The following SEMG2 variants were observed in gnomAD, a reference collection of about 807,000 sequenced individuals.
SEMG2 encodes semenogelin-2.
SEMG2 carries 3 observed loss-of-function variants against 8.1 expected under a neutral mutation model. The ratio of observed to expected loss-of-function variants is 0.37; its 90% CI spans 0.17 to 0.96. SEMG2 has a LOEUF of 0.96. Among genes scored for constraint, SEMG2 ranks in the 40% least tolerant of loss-of-function variants. SEMG2 has a pLI of 0.41. For synonymous variants in SEMG2, 252 were observed against 231.4 expected (o/e 1.09, Z -0.81); for missense variants, 726 against 671.2 (o/e 1.08, Z -0.90).
In SEMG2 at chr20:45,222,454, T is replaced by C. The variant is rs1350888298; in HGVS notation, c.822T>C (p.Ser274=). 3 of 1,613,884 alleles carry C rather than the reference T, an allele frequency of 1.9e-6. No individual in the cohort carries two copies. The highest frequency in any genetic ancestry group is 2.5e-6 in the Non-Finnish European group (3 of 1,179,994). The change falls in exon 2 of 3, where the codon AGT becomes AGC. Residue 274 remains serine, a synonymous_variant. Transcript: ENST00000372769. ...NKNQHQTKNL[S]QDQEHGRKAH... ...ATCAACACCAGACAAAAAATCTCAG[T>C]CAAGATCAAGAGCATGGCCGGAAGG...
At position 45,222,132 on chromosome 20, in the gene SEMG2, G is replaced by A. The variant is rs746254444; in HGVS notation, c.500G>A (p.Trp167Ter). 1.3e-5 allele frequency: 21 copies of A among 1,613,948 alleles called. No homozygotes were observed. The Middle Eastern group carries it at 1.2e-3, about 89-fold the overall frequency. ...TGTTCAAACACAGAAAAAAGGCTAT[G>A]GGTTCATGGACTAAGTAAAGAACAA... ...SQCSNTEKRL[W>*]VHGLSKEQAS... Residue 167 changes from tryptophan to a stop codon, truncating the protein, a stop_gained, in exon 2 of 3, where the codon TGG (tryptophan) becomes TAG (stop). Transcript: ENST00000372769. LOFTEE classifies it low-confidence loss of function (END_TRUNC).
Position 45,222,073 on chromosome 20 carries a change from G to T in SEMG2, c.441G>T (p.Gly147=). The T allele has an allele frequency of 3.7e-6, 6 of 1,614,022 alleles. No homozygotes were observed. The highest frequency in any genetic ancestry group is 1.6e-4 in the Middle Eastern group (1 of 6,062). Residue 147 remains glycine (G), a synonymous_variant, in exon 2 of 3, where the codon GGG becomes GGT. Coordinates refer to ENST00000372769, the MANE Select transcript of SEMG2 (RefSeq NM_003008.3). Reference sequence around the variant, plus strand: ...CACAAAATCCTTCTCAAGATCAGGGGAATAGCCCATCTGGAAAGGGATTAT... The same window carrying T: ...CACAAAATCCTTCTCAAGATCAGGGTAATAGCCCATCTGGAAAGGGATTAT... ...HGTQNPSQDQ[G]NSPSGKGLSS... is the part of the protein sequence containing the mutation.
Position 45,221,886 on chromosome 20 carries a change from A to G in SEMG2, c.254A>G (p.Tyr85Cys), listed in dbSNP as rs1984022322. ...DHDWTRKSQQ[Y>C]DLNALHKATK... Reference sequence around the variant, plus strand: ...GACTGGACCCGAAAAAGTCAGCAATATGATTTGAATGCCCTACATAAGGCG... The same window carrying G: ...GACTGGACCCGAAAAAGTCAGCAATGTGATTTGAATGCCCTACATAAGGCG... Residue 85 changes from tyrosine to cysteine, a missense_variant, in exon 2 of 3, where the codon TAT (tyrosine) becomes TGT (cysteine). Tyr to Cys is a radical substitution (Grantham distance 194, BLOSUM62 -2). Coordinates refer to ENST00000372769, the MANE Select transcript of SEMG2 (RefSeq NM_003008.3). The G allele has an allele frequency of 1.2e-6, 2 of 1,613,882 alleles. No homozygotes were observed. The highest frequency in any genetic ancestry group is 1.6e-4 in the Middle Eastern group (1 of 6,082).
At position 45,222,829 on chromosome 20, in the gene SEMG2, T is replaced by A. The variant is rs140981883; in HGVS notation, c.1197T>A (p.Tyr399Ter). Residue 399 changes from tyrosine (Y) to a stop codon, truncating the protein, a stop_gained, in exon 2 of 3, where the codon TAT becomes TAA. Coordinates refer to ENST00000372769, the MANE Select transcript of SEMG2 (RefSeq NM_003008.3). LOFTEE classifies it low-confidence loss of function (END_TRUNC). The stretch of plus-strand genomic sequence containing the variant: ...GAATTCCTAGTCAAGCTCAAGAGTA[T>A]GGCCATAAGGAAAATAAAATATCAT... ...QVRIPSQAQE[Y>*]GHKENKISYQ... 117 of 1,613,788 alleles carry A rather than the reference T, an allele frequency of 7.3e-5. 1 individual carries two copies. The highest frequency in any genetic ancestry group is 1.6e-4 in the Middle Eastern group (1 of 6,084).
chr20:45,222,107 T>C lies in SEMG2; in HGVS notation c.475T>C (p.Cys159Arg). The C allele has an allele frequency of 6.2e-7, 1 of 1,613,774 alleles. No individual in the cohort carries two copies. Among genetic ancestry groups the C allele is most frequent in the Non-Finnish European group, 8.5e-7 (1 of 1,179,942 alleles). ...SPSGKGLSSQCSNTEKRLWVH... is the reference protein window; with the variant it reads ...SPSGKGLSSQRSNTEKRLWVH... The stretch of plus-strand genomic sequence containing the variant: ...ATCTGGAAAGGGATTATCCAGTCAA[T>C]GTTCAAACACAGAAAAAAGGCTATG... Residue 159 changes from cysteine to arginine, a missense_variant, in exon 2 of 3, where the codon TGT (cysteine) becomes CGT (arginine). Physicochemically the swap from Cys to Arg is radical, Grantham distance 180 (BLOSUM62 -3). Transcript: ENST00000372769.
rs138521593 is a variant in SEMG2, at chr20:45,222,126, G to T, written c.494G>T (p.Arg165Met). ...AGTCAATGTTCAAACACAGAAAAAA[G>T]GCTATGGGTTCATGGACTAAGTAAA... ...LSSQCSNTEK[R>M]LWVHGLSKEQ... The change falls in exon 2 of 3, where the codon AGG becomes ATG. Residue 165 changes from arginine to methionine, a missense_variant. Arg to Met is a moderately conservative substitution (Grantham distance 91). Transcript: ENST00000372769. 3 of 1,613,784 alleles carry T rather than the reference G, an allele frequency of 1.9e-6. No homozygotes were observed. Among genetic ancestry groups the T allele is most frequent in the African/African-American group, 1.3e-5 (1 of 74,896 alleles).
intron 1 of SEMG2, 108 bp downstream of exon 1, chr20:45,221,573 T>C: frequency 7.0e-7 from 1 of 1,423,016 alleles, no homozygotes; most frequent in Non-Finnish European, 9.7e-7. Context: ...TTCTCCTTGA[T>C]GAGAATTGAT....
chr20:45,223,068 A>T lies in SEMG2; in HGVS notation c.1436A>T (p.Asn479Ile). The stretch of plus-strand genomic sequence containing the variant: ...TCAAGTACAGAAGAAAGACGACTCA[A>T]CTATGGAGGAAAGAGCACGCAGAAA... ...QSSSTEERRL[N>I]YGGKSTQKDV... The change falls in exon 2 of 3, where the codon AAC becomes ATC. Residue 479 changes from asparagine (N) to isoleucine (I), a missense_variant. Transcript: ENST00000372769. The T allele has an allele frequency of 6.2e-7, 1 of 1,614,198 alleles. No individual in the cohort carries two copies.
chr20:45,222,098 T>C lies in SEMG2; in HGVS notation c.466T>C (p.Ser156Pro), dbSNP rs1201859642. Residue 156 changes from serine (S) to proline (P), a missense_variant, in exon 2 of 3, where the codon TCC (serine) becomes CCC (proline). Coordinates refer to ENST00000372769, the MANE Select transcript of SEMG2 (RefSeq NM_003008.3). ...QGNSPSGKGL[S>P]SQCSNTEKRL... ...GAATAGCCCATCTGGAAAGGGATTATCCAGTCAATGTTCAAACACAGAAAA... is the reference window on the plus strand; with the variant it reads ...GAATAGCCCATCTGGAAAGGGATTACCCAGTCAATGTTCAAACACAGAAAA... The C allele has an allele frequency of 6.2e-7, 1 of 1,613,904 alleles. No homozygotes were observed. The highest frequency in any genetic ancestry group is 8.5e-7 in the Non-Finnish European group (1 of 1,179,966).
At position 45,223,081 on chromosome 20, in the gene SEMG2, G is replaced by C. The variant is rs1984062649; in HGVS notation, c.1449G>C (p.Lys483Asn). 2 of 1,614,168 alleles carry C rather than the reference G, an allele frequency of 1.2e-6. No individual in the cohort carries two copies. Among genetic ancestry groups the C allele is most frequent in the South Asian group, 1.1e-5 (1 of 91,076 alleles). The change falls in exon 2 of 3, where the codon AAG (lysine) becomes AAC (asparagine). Residue 483 changes from lysine (K) to asparagine (N), a missense_variant. Lys to Asn is a moderately conservative substitution (Grantham distance 94). Transcript: ENST00000372769. ...TEERRLNYGG[K>N]STQKDVSQSS... ...AAAGACGACTCAACTATGGAGGAAA[G>C]AGCACGCAGAAAGATGTATCCCAAA...
In SEMG2 at chr20:45,221,817, G is replaced by C; in HGVS notation, c.185G>C (p.Ser62Thr). Residue 62 changes from serine (S) to threonine (T), a missense_variant, in exon 2 of 3, where the codon AGT becomes ACT. Physicochemically the swap from Ser to Thr is moderately conservative, Grantham distance 58. Transcript: ENST00000372769. The stretch of plus-strand genomic sequence containing the variant: ...CAACAACATACTAAATCCAAAGGCA[G>C]TTTTTCTATTCAACACACATATCAT... ...KDQQHTKSKGSFSIQHTYHVD... is the reference protein window; with the variant it reads ...KDQQHTKSKGTFSIQHTYHVD... 6.2e-7 allele frequency: 1 copy of C among 1,614,148 alleles called. No homozygotes were observed. Among genetic ancestry groups the C allele is most frequent in the South Asian group, 1.1e-5 (1 of 91,072 alleles).
chr20:45,223,555 G>A (rs1351833517), intron 2 of SEMG2, 130 bp downstream of exon 2: 2 of 503,936 alleles, frequency 4.0e-6, no homozygotes, highest in Admixed American at 7.4e-5. Flanking sequence ...GTGGGAAGAT[G>A]AACACCATTT....
chr20:45,221,801 A>G lies in SEMG2; in HGVS notation c.169A>G (p.Thr57Ala), dbSNP rs2233897. The G allele has an allele frequency of 3.7e-3, 5,954 of 1,614,160 alleles. 206 individuals carry two copies. In the African/African-American group the frequency reaches 0.071, roughly 19 times the overall value. Reference protein sequence around the residue: ...HYFGQKDQQHTKSKGSFSIQH... With the variant: ...HYFGQKDQQHAKSKGSFSIQH... ...TTTTGGACAAAAAGACCAACAACATACTAAATCCAAAGGCAGTTTTTCTAT... is the reference window on the plus strand; with the variant it reads ...TTTTGGACAAAAAGACCAACAACATGCTAAATCCAAAGGCAGTTTTTCTAT... The change falls in exon 2 of 3, where the codon ACT becomes GCT. Residue 57 changes from threonine (T) to alanine (A), a missense_variant. Physicochemically the swap from Thr to Ala is moderately conservative, Grantham distance 58. Transcript: ENST00000372769.
At chr20:45,223,509 A>G in intron 2 of SEMG2, 84 bp downstream of exon 2, 1 of 618,024 alleles carries the variant, frequency 1.6e-6, no homozygotes, top group South Asian at 2.1e-5. Context: ...ACTGATAACC[A>G]TTGTTCACAT....
chr20:45,223,713 T>A (rs1048917347), intron 2 of SEMG2, among the ~76,000 whole-genome samples: 2 of 152,254 alleles, frequency 1.3e-5, no homozygotes, highest in Non-Finnish European at 1.5e-5. Context: ...GCACTGACTA[T>A]ATATGCATAT....
In SEMG2 at chr20:45,222,399, C is replaced by T. The variant is rs761999691; in HGVS notation, c.767C>T (p.Thr256Ile). 6.2e-7 allele frequency: 1 copy of T among 1,613,980 alleles called. No individual in the cohort carries two copies. Among genetic ancestry groups the T allele is most frequent in the African/African-American group, 1.3e-5 (1 of 74,924 alleles). ...LQHGPKDIFT[T>I]QDELLVYNKN... is the part of the protein sequence containing the mutation. ...CATGGACCCAAAGACATTTTTACTA[C>T]CCAAGATGAGCTCCTAGTATATAAC... is the stretch of plus-strand genomic sequence containing the variant. Residue 256 changes from threonine (T) to isoleucine (I), a missense_variant, in exon 2 of 3, where the codon ACC becomes ATC. Coordinates refer to ENST00000372769, the MANE Select transcript of SEMG2 (RefSeq NM_003008.3).
chr20:45,222,294 A>C lies in SEMG2; in HGVS notation c.662A>C (p.Gln221Pro). 1 of 1,614,152 alleles carries C rather than the reference A, an allele frequency of 6.2e-7. No homozygotes were observed. Among genetic ancestry groups the C allele is most frequent in the Non-Finnish European group, 8.5e-7 (1 of 1,180,022 alleles). ...KNSHQNKGHY[Q>P]NVVDVREEHS... ...TCTCATCAAAATAAAGGGCATTACC[A>C]AAATGTGGTTGACGTGAGAGAGGAA... Residue 221 changes from glutamine to proline, a missense_variant, in exon 2 of 3, where the codon CAA (glutamine) becomes CCA (proline). Coordinates refer to ENST00000372769, the MANE Select transcript of SEMG2 (RefSeq NM_003008.3).
In SEMG2 at chr20:45,223,429, A is replaced by G. The variant is rs1233327335; in HGVS notation, c.*44+4A>G. The stretch of plus-strand genomic sequence containing the variant: ...GAAAAGCTGGACCAATAGCAAGGTA[A>G]GTTTGCTTTTCTTACCAAATAGGAG... On this transcript the variant is annotated splice_donor_region_variant and intron_variant, in intron 2 of 2. Coordinates refer to ENST00000372769, the MANE Select transcript of SEMG2 (RefSeq NM_003008.3). The G allele has an allele frequency of 2.1e-6, 3 of 1,418,594 alleles. No homozygotes were observed. In the South Asian group the frequency reaches 3.9e-5, roughly 19 times the overall value. 87.9% of individuals were successfully genotyped at this position (1,418,594 alleles called of 1,614,324 possible). A position where few individuals can be genotyped will look rare whatever the true frequency, so the allele number is the denominator to read the frequency against.
In SEMG2 at chr20:45,222,646, G is replaced by A. The variant is rs374818359; in HGVS notation, c.1014G>A (p.Glu338=). 5.0e-6 allele frequency: 8 copies of A among 1,613,888 alleles called. No homozygotes were observed. In the Admixed American group the frequency reaches 5.0e-5, roughly 10 times the overall value. ...TAACAATTCATAGTCAAGATCAAGA[G>A]CATGGCCATAAGGAAAATAAAATAT... ...NQVTIHSQDQ[E]HGHKENKISY... Residue 338 remains glutamate (E), a synonymous_variant, in exon 2 of 3, where the codon GAG becomes GAA. Coordinates refer to ENST00000372769, the MANE Select transcript of SEMG2 (RefSeq NM_003008.3).
Sources: gnomAD v4.1 joint callset for allele counts (sites outside exome capture counted in the v4.1 genomes callset) on GRCh38, gnomAD v4.1.1 for gene constraint, MANE v1.5 for transcripts, NCBI Gene and HGNC (gene_info 2026-07-23, HGNC 2026-07-21) for gene names.